SENP2: variants seen among roughly 807,000 people sequenced by gnomAD.
SENP2 encodes the protein sentrin-specific protease 2.
Under a neutral mutation model 86.3 loss-of-function variants are expected in SENP2, and 16 were observed. That is an observed-to-expected ratio of 0.19 (90% confidence interval 0.13 to 0.28). The LOEUF is 0.28. Ranked by LOEUF, SENP2 falls within the 10% of genes least tolerant of loss-of-function variation. SENP2 has a pLI of 1.00. For missense variants in SENP2, 552 were observed against 703.0 expected (o/e 0.79, Z 2.43); for synonymous variants, 222 against 238.7 (o/e 0.93, Z 0.64).
chr3:185,612,458 A>G (rs772763888), intron 8 of SENP2, 149 bp from the exon 9 acceptor site: 10 of 594,920 alleles, frequency 1.7e-5, no homozygotes, highest in Non-Finnish European at 2.7e-5. Context: ...GCAACTTAGT[A>G]TATAGGGAGG....
intron 5 of SENP2, among the ~76,000 whole-genome samples, chr3:185,603,689 G>A (rs543151162): frequency 1.3e-5 from 2 of 152,306 alleles, no homozygotes; most frequent in East Asian, 3.9e-4. Context: ...TTATATAAGA[G>A]ATGCCCTTGT....
intron 7 of SENP2, among the ~76,000 whole-genome samples, chr3:185,609,769 G>C (rs1046350021): frequency 3.4e-5 from 5 of 148,812 alleles, no homozygotes; most frequent in African/African-American, 7.5e-5. Context: ...ACCTCCTCCT[G>C]GTCTTTCTTT....
chr3:185,601,041 C>CTTTTTTTTTTTTTTTTTT (rs11315344), intron 5 of SENP2, among the ~76,000 whole-genome samples, 186 bp downstream of exon 5: 1 of 75,528 alleles, frequency 1.3e-5, no homozygotes, highest in African/African-American at 5.8e-5. Flanking sequence ...CTTTTCTTGT[C>CTTTTTTTTTTTTTTTTTT]TTTTTTTTTT....
intron 2 of SENP2, 126 bp downstream of exon 2, chr3:185,590,295 C>T: frequency 2.6e-6 from 1 of 384,158 alleles, no homozygotes; most frequent in South Asian, 5.1e-5. Context: ...TGGCTGTAAT[C>T]CTAGCACTTT....
chr3:185,609,031 G>A (rs1722602840), intron 6 of SENP2: 1 of 393,096 alleles, frequency 2.5e-6, no homozygotes. Context: ...GAGAGCAGTG[G>A]CCCATCTAAA....
At chr3:185,604,154 T>C (rs930995639) in intron 5 of SENP2, among the ~76,000 whole-genome samples, 3 of 152,124 alleles carry the variant, frequency 2.0e-5, no homozygotes, top group African/African-American at 7.2e-5. Flanking sequence ...TAAATAAATA[T>C]TTTCTAATTT....
chr3:185,600,584 T>C (rs1314560052), intron 4 of SENP2, among the ~76,000 whole-genome samples, 181 bp from the exon 5 acceptor site: 2 of 152,206 alleles, frequency 1.3e-5, no homozygotes, highest in African/African-American at 4.8e-5. Flanking sequence ...CTAAGCCCTA[T>C]TGCTTTCCTT....
intron 16 of SENP2, among the ~76,000 whole-genome samples, chr3:185,628,160 G>A (rs1425848554): frequency 6.6e-6 from 1 of 152,016 alleles, no homozygotes; most frequent in African/African-American, 2.4e-5. Flanking sequence ...ATTTTGAGAT[G>A]GAGTCTTGCT....
chr3:185,628,432 C>T (rs750013137), intron 16 of SENP2, among the ~76,000 whole-genome samples: 15 of 151,110 alleles, frequency 9.9e-5, no homozygotes, highest in Non-Finnish European at 1.6e-4. Context: ...CCACCACGCC[C>T]GGTGACATCA....
intron 5 of SENP2, among the ~76,000 whole-genome samples, chr3:185,605,915 G>A (rs1369548458): frequency 6.6e-6 from 1 of 152,146 alleles, no homozygotes; most frequent in African/African-American, 2.4e-5. Flanking sequence ...GTGAAAGGAT[G>A]TAATCTCTTT....
intron 4 of SENP2, among the ~76,000 whole-genome samples, chr3:185,600,473 T>C (rs1722309605): frequency 1.3e-5 from 2 of 152,238 alleles, no homozygotes; most frequent in Admixed American, 1.3e-4. Context: ...CAGAGAGTTA[T>C]AATCTTTGAG....
At chr3:185,614,772 G>T (rs1311611783) in intron 11 of SENP2, 32 bp downstream of exon 11, 1 of 1,592,810 alleles carries the variant, frequency 6.3e-7, no homozygotes, top group South Asian at 1.1e-5. Context: ...CTAAAAAGAG[G>T]CATGTCTTTA....
At chr3:185,592,006 TATTTC>T (rs1722015790) in intron 2 of SENP2, among the ~76,000 whole-genome samples, 1 of 118,928 alleles carries the variant, frequency 8.4e-6, no homozygotes, top group Non-Finnish European at 1.7e-5. Context: ...GAACCGGTAA[TATTTC>T]TTTTTTTTTT....
At chr3:185,626,482 G>T in intron 16 of SENP2, 89 bp downstream of exon 16, 1 of 865,564 alleles carries the variant, frequency 1.2e-6, no homozygotes, top group Non-Finnish European at 1.8e-6. Flanking sequence ...GCTCTCAATA[G>T]TAGTAGCTGG....
intron 11 of SENP2, 70 bp downstream of exon 11, chr3:185,614,810 GT>G: frequency 6.7e-7 from 1 of 1,497,596 alleles, no homozygotes; most frequent in Non-Finnish European, 9.1e-7. Context: ...TAACTTGAAT[GT>G]TTTGTTTTGA....
rs1183883653 is a variant in SENP2, at chr3:185,586,990, T to G, written c.101+476T>G. ...AAACAGCTGTCAAACAGTCTGTGTG[T>G]TTGGGGCCAGAAGGGTTTTGTGCTT... On this transcript the variant is annotated intron_variant, in intron 1 of 16. Coordinates refer to ENST00000296257, the MANE Select transcript of SENP2 (RefSeq NM_021627.3). This position sits in a 1 kb window ranked among gnomAD's most constrained non-coding sequence, Gnocchi z 4.3. 6.6e-6 allele frequency among the ~76,000 whole-genome samples: 1 copy of G among 152,134 alleles called. No individual in the cohort carries two copies. The highest frequency in any genetic ancestry group is 1.5e-5 in the Non-Finnish European group (1 of 68,018).
rs1311994070 is a variant in SENP2 at position 185,621,872 on chromosome 3, G to A, written c.1493G>A (p.Gly498Glu). 6 of 1,612,148 alleles carry A rather than the reference G, an allele frequency of 3.7e-6. No individual in the cohort carries two copies. Among genetic ancestry groups the A allele is most frequent in the Non-Finnish European group, 5.1e-6 (6 of 1,178,696 alleles). Residue 498 changes from glycine (G) to glutamate (E), a missense_variant, in exon 14 of 17, where the codon GGA becomes GAA. Physicochemically the swap from Gly to Glu is moderately conservative, Grantham distance 98 (BLOSUM62 -2). Coordinates refer to ENST00000296257, the MANE Select transcript of SENP2 (RefSeq NM_021627.3). Reference sequence around the variant, plus strand: ...TGTCTTAAATATCTGGATTCTATGGGACAAAAGGGCCACAGGATCTGTGAG... The same window carrying A: ...TGTCTTAAATATCTGGATTCTATGGAACAAAAGGGCCACAGGATCTGTGAG... ...KKCLKYLDSM[G>E]QKGHRICEIL...
chr3:185,621,156 C>CAAAAAA (rs1206042436), intron 13 of SENP2, among the ~76,000 whole-genome samples: 2,049 of 38,940 alleles, frequency 0.053, 63 homozygotes, highest in South Asian at 0.17. Flanking sequence ...GATCTTGTCT[C>CAAAAAA]AAAAAAAAAA....
intron 1 of SENP2, among the ~76,000 whole-genome samples, chr3:185,588,937 C>CT (rs1721888106): frequency 6.6e-6 from 1 of 152,252 alleles, no homozygotes; most frequent in Admixed American, 6.5e-5. Flanking sequence ...CTTTACTATA[C>CT]TTTAGGTGTT....
Sources: gnomAD v4.1 joint callset for allele counts (sites outside exome capture counted in the v4.1 genomes callset) on GRCh38, gnomAD v4.1.1 for gene constraint, Gnocchi (gnomAD v3.1) non-coding constraint, MANE v1.5 for transcripts, NCBI Gene and HGNC (gene_info 2026-07-23, HGNC 2026-07-21) for gene names.